The following ANKRD54 variants were observed in gnomAD, a reference collection of about 807,000 sequenced individuals.
The protein encoded by ANKRD54 is ankyrin repeat domain-containing protein 54.
A neutral mutation model predicts 36.2 loss-of-function variants in ANKRD54; 26 were observed. That is an observed-to-expected ratio of 0.72 (90% CI 0.53 to 1.00). The LOEUF (loss-of-function observed/expected upper bound fraction) is 1.00. Ranked by LOEUF, ANKRD54 falls within the 50% of genes least tolerant of loss-of-function variation. The pLI, the probability that ANKRD54 is intolerant of heterozygous loss-of-function variation, is 0.00. For missense variants in ANKRD54, 384 were observed against 424.3 expected, an observed-to-expected ratio of 0.91 and a Z score of 0.83; for synonymous variants, 209 against 188.4, an observed-to-expected ratio of 1.11 and a Z score of -0.89.
At chr22:37,833,543 G>A in intron 4 of ANKRD54, 141 bp downstream of exon 4, 1 of 915,310 alleles carries the variant, frequency 1.1e-6, no homozygotes. Context: ...CTGCTGGGCA[G>A]TGCAGCCCTG....
chr22:37,842,310 G>A (rs1172511754), intron 1 of ANKRD54, among the ~76,000 whole-genome samples: 6 of 152,124 alleles, frequency 3.9e-5, no homozygotes, highest in Admixed American at 6.6e-5. Context: ...GAAATGAGGC[G>A]GAGCTAGTAC....
chr22:37,847,125 T>A (rs1442721337), upstream of ANKRD54, among the ~76,000 whole-genome samples: 1 of 151,424 alleles, frequency 6.6e-6, no homozygotes, highest in Non-Finnish European at 1.5e-5. Context: ...AGTGCTGGGA[T>A]TACAGGCGTG....
At position 37,844,332 on chromosome 22, in the gene ANKRD54, G is replaced by C; in HGVS notation, c.-94C>G. ...CCGCCCTGAGTCGTGCTGTCAGCGA[G>C]CTGGCGGGCGGGCAGGGCCCGCAAC... On this transcript the variant is annotated 5_prime_UTR_variant, in exon 1 of 8. Coordinates refer to ENST00000215941, the MANE Select transcript of ANKRD54 (RefSeq NM_138797.4). The C allele has an allele frequency of 2.1e-6, 3 of 1,411,080 alleles. No individual in the cohort carries two copies. Among genetic ancestry groups the C allele is most frequent in the Non-Finnish European group, 2.8e-6 (3 of 1,063,828 alleles). The allele number at this position is 1,411,080 out of a possible 1,614,324, so 87.4% of individuals were successfully genotyped here. A position where few individuals can be genotyped will look rare whatever the true frequency, so the allele number is the denominator to read the frequency against.
At chr22:37,844,383 CA>C, upstream of ANKRD54, 1 of 843,360 alleles carries the variant, frequency 1.2e-6, no homozygotes, top group Non-Finnish European at 1.7e-6. Context: ...GGGGCGGGCT[CA>C]GGCCGAGACA....
Position 37,831,718 on chromosome 22 carries a change from G to A in ANKRD54, c.*225C>T. ...TCTGGTGCTGCGAGAACTGGAAGAA[G>A]CTGGGAGCTGTGGTCCCTGTCCACA... On this transcript the variant is annotated 3_prime_UTR_variant, in exon 8 of 8. Coordinates refer to ENST00000215941, the MANE Select transcript of ANKRD54 (RefSeq NM_138797.4). 2 of 573,052 alleles carry A rather than the reference G, an allele frequency of 3.5e-6. No individual in the cohort carries two copies. The highest frequency in any genetic ancestry group is 4.3e-5 in the South Asian group (2 of 46,416). The allele number at this position is 573,052 out of a possible 1,614,324, so 35.5% of individuals were successfully genotyped here.
upstream of ANKRD54, among the ~76,000 whole-genome samples, chr22:37,845,886 A>T (rs1924813016): frequency 6.7e-6 from 1 of 148,524 alleles, no homozygotes; most frequent in Non-Finnish European, 1.5e-5. Flanking sequence ...AACAAAAACA[A>T]AAAAAAGGCC....
At position 37,844,245 on chromosome 22, in the gene ANKRD54, G is replaced by C. The variant is rs1260482937; in HGVS notation, c.-7C>G. The C allele has an allele frequency of 1.3e-6, 2 of 1,547,070 alleles. No homozygotes were observed. The highest frequency in any genetic ancestry group is 8.6e-7 in the Non-Finnish European group (1 of 1,156,286). On this transcript the variant is annotated 5_prime_UTR_variant, in exon 1 of 8. Transcript: ENST00000215941. ...CCCCGGCGGCGGCTGCCATGGCAAC[G>C]GCTCCGCGCGGGCCTGGCCGCCTGA... is the stretch of plus-strand genomic sequence containing the variant.
intron 3 of ANKRD54, among the ~76,000 whole-genome samples, chr22:37,835,805 CAAAAAA>C (rs1439814385): frequency 4.6e-5 from 7 of 151,468 alleles, no homozygotes; most frequent in African/African-American, 1.7e-4. Context: ...GACTTTGTCT[CAAAAAA>C]AGAAAAAGAC....
At chr22:37,843,799 G>A in intron 1 of ANKRD54, 112 bp downstream of exon 1, 1 of 740,122 alleles carries the variant, frequency 1.4e-6, no homozygotes, top group Admixed American at 4.8e-5. Flanking sequence ...AGACGTCGGG[G>A]GACCCCGGCT....
upstream of ANKRD54, chr22:37,844,463 A>G (rs1924705728): frequency 2.2e-6 from 1 of 462,326 alleles, no homozygotes; most frequent in Non-Finnish European, 3.8e-6. Context: ...GGGAGGGCAC[A>G]GTACAAGCAG....
intron 2 of ANKRD54, among the ~76,000 whole-genome samples, chr22:37,839,781 A>T (rs1380546263): frequency 6.6e-6 from 1 of 152,142 alleles, no homozygotes; most frequent in Non-Finnish European, 1.5e-5. Flanking sequence ...TAGCCTCCCA[A>T]AGTGCTGGGA....
intron 3 of ANKRD54, among the ~76,000 whole-genome samples, chr22:37,835,068 A>G (rs1923359347): frequency 1.3e-5 from 2 of 151,372 alleles, no homozygotes; most frequent in Admixed American, 1.3e-4. Flanking sequence ...CCAAAAAATA[A>G]AAAATAAAAT....
chr22:37,844,512 C>T (rs1601742720), upstream of ANKRD54: 1 of 400,668 alleles, frequency 2.5e-6, no homozygotes, highest in Non-Finnish European at 4.5e-6. Context: ...GACTGACAGA[C>T]ATTGTAACCA....
At chr22:37,843,737 C>A (rs527850885) in intron 1 of ANKRD54, 174 bp downstream of exon 1, 48 of 352,426 alleles carry the variant, frequency 1.4e-4, no homozygotes, top group African/African-American at 9.5e-4. Context: ...AAAAAACCAT[C>A]ATCACCATCG....
upstream of ANKRD54, among the ~76,000 whole-genome samples, chr22:37,847,428 C>G (rs1335174636): frequency 6.6e-6 from 1 of 152,122 alleles, no homozygotes; most frequent in African/African-American, 2.4e-5. Flanking sequence ...TCCCAAAGTG[C>G]TGGGATTACA....
At chr22:37,833,552 T>G (rs1480704602) in intron 4 of ANKRD54, 132 bp downstream of exon 4, 1 of 974,388 alleles carries the variant, frequency 1.0e-6, no homozygotes, top group African/African-American at 1.6e-5. Flanking sequence ...AGTGCAGCCC[T>G]GGGAGTGCAG....
intron 2 of ANKRD54, 64 bp downstream of exon 2, chr22:37,840,123 C>G (rs1924037164): frequency 1.9e-6 from 3 of 1,590,430 alleles, no homozygotes; most frequent in African/African-American, 1.3e-5. Flanking sequence ...TATTGATTAC[C>G]TGGCCTTTTC....
chr22:37,840,638 C>A (rs1025468833), intron 1 of ANKRD54, among the ~76,000 whole-genome samples: 1 of 151,806 alleles, frequency 6.6e-6, no homozygotes, highest in South Asian at 2.1e-4. Context: ...GTAATCCCAG[C>A]ACTTTGGGAG....
upstream of ANKRD54, chr22:37,844,339 G>C (rs372640432): frequency 5.4e-5 from 74 of 1,365,660 alleles, no homozygotes; most frequent in African/African-American, 9.6e-4. Flanking sequence ...CGAGCTGGCG[G>C]GCGGGCAGGG....
Sources: allele counts gnomAD v4.1 joint callset (sites outside exome capture counted in the v4.1 genomes callset), GRCh38; gene constraint gnomAD v4.1.1; transcripts MANE v1.5; gene names NCBI Gene and HGNC (gene_info 2026-07-23, HGNC 2026-07-21).